The following NBAS variants were observed in gnomAD, a reference collection of about 807,000 sequenced individuals.
NBAS encodes NAG/BC035112 fusion.
In NBAS, 219 loss-of-function variants were observed where a neutral mutation model predicts 302.5. The ratio of observed to expected loss-of-function variants is 0.72; its 90% confidence interval spans 0.65 to 0.81. NBAS has a LOEUF of 0.81. Among genes scored for constraint, NBAS ranks in the 30% least tolerant of loss-of-function variants. The pLI, the probability that NBAS is intolerant of heterozygous loss-of-function variation, is 0.00. For missense variants in NBAS, 2,932 were observed against 2,841.6 expected, an observed-to-expected ratio of 1.03 and a Z score of -0.72; for synonymous variants, 1,118 against 1,021.6, an observed-to-expected ratio of 1.09 and a Z score of -1.80.
chr2:15,224,535 C>T (rs923279318), intron 47 of NBAS, among the ~76,000 whole-genome samples: 3 of 152,168 alleles, frequency 2.0e-5, no homozygotes, highest in Non-Finnish European at 4.4e-5. Flanking sequence ...GGCTGGCTTG[C>T]ATAGTAGATG....
chr2:15,466,777 A>G (rs1679741167), intron 19 of NBAS, among the ~76,000 whole-genome samples: 1 of 152,134 alleles, frequency 6.6e-6, no homozygotes, highest in African/African-American at 2.4e-5. Context: ...GTCTCTAAAA[A>G]AATGCAAAAA....
chr2:15,251,976 A>T (rs1199562832), intron 44 of NBAS, among the ~76,000 whole-genome samples: 2 of 152,204 alleles, frequency 1.3e-5, no homozygotes, highest in Non-Finnish European at 2.9e-5. Flanking sequence ...AATGAGGAAG[A>T]ATGAAGCAGA....
intron 38 of NBAS, among the ~76,000 whole-genome samples, chr2:15,320,693 G>C (rs963500753): frequency 6.6e-6 from 1 of 152,102 alleles, no homozygotes; most frequent in Non-Finnish European, 1.5e-5. Context: ...ATTTACAAGG[G>C]ATGTGAAGGG....
chr2:15,511,485 A>C, intron 9 of NBAS, 135 bp from the exon 10 acceptor site: 1 of 779,982 alleles, frequency 1.3e-6, no homozygotes, highest in Non-Finnish European at 2.1e-6. Flanking sequence ...TAGAAGGTAA[A>C]TATTTCAGAG....
chr2:15,351,834 A>G (rs1673370370), intron 35 of NBAS, among the ~76,000 whole-genome samples, 158 bp downstream of exon 35: 1 of 151,654 alleles, frequency 6.6e-6, no homozygotes. Context: ...TATTTCACAC[A>G]CACACACAAA....
At chr2:14,794,100 T>G in the NBAS span, among the ~76,000 whole-genome samples, 2 of 152,122 alleles carry the variant, frequency 1.3e-5, no homozygotes, top group African/African-American at 2.4e-5. Flanking sequence ...AGAACCTTAG[T>G]ATATCAGGAA....
chr2:15,500,106 G>A (rs946587879), intron 11 of NBAS, among the ~76,000 whole-genome samples: 1 of 152,144 alleles, frequency 6.6e-6, no homozygotes, highest in Non-Finnish European at 1.5e-5. Flanking sequence ...CCAAGACAGG[G>A]TTTTTAAGAA....
the NBAS span, among the ~76,000 whole-genome samples, chr2:14,893,389 C>T: frequency 5.6e-3 from 858 of 151,878 alleles, 15 homozygotes; most frequent in African/African-American, 0.02. Flanking sequence ...TTTCTTCTTC[C>T]TAGTTTTTGT....
At chr2:14,953,624 C>G in the NBAS span, among the ~76,000 whole-genome samples, 1 of 152,136 alleles carries the variant, frequency 6.6e-6, no homozygotes. Flanking sequence ...CACATAGAAC[C>G]AGTAAGAGCT....
chr2:15,059,967 AAAAAAAAAC>A, the NBAS span, among the ~76,000 whole-genome samples: 80 of 44,014 alleles, frequency 1.8e-3, 1 homozygote, highest in African/African-American at 0.024. Flanking sequence ...AAAAAAACAA[AAAAAAAAAC>A]AAAAAAAAAA....
intron 10 of NBAS, 116 bp downstream of exon 10, chr2:15,511,096 C>G: frequency 1.6e-6 from 2 of 1,267,382 alleles, no homozygotes; most frequent in Non-Finnish European, 2.3e-6. Flanking sequence ...ATTCACTGTC[C>G]TCATTCAAGA....
intron 42 of NBAS, among the ~76,000 whole-genome samples, chr2:15,278,500 T>C (rs537102657): frequency 6.6e-6 from 1 of 152,242 alleles, no homozygotes; most frequent in African/African-American, 2.4e-5. Flanking sequence ...TATTACATCA[T>C]CTTAATCTCT....
At chr2:15,128,515 G>A in the NBAS span, among the ~76,000 whole-genome samples, 2 of 152,188 alleles carry the variant, frequency 1.3e-5, 1 homozygote, top group South Asian at 4.1e-4. Flanking sequence ...GGAAATCTGA[G>A]AAGAGATGAG....
chr2:15,541,775 C>T (rs1263434508), intron 6 of NBAS, among the ~76,000 whole-genome samples: 6 of 142,384 alleles, frequency 4.2e-5, no homozygotes, highest in Non-Finnish European at 6.2e-5. Flanking sequence ...GCCCCCCGCC[C>T]AGCCAGTCGC....
intron 1 of NBAS, 67 bp from the exon 2 acceptor site, chr2:15,558,701 A>G (rs1664765154): frequency 1.7e-6 from 2 of 1,181,064 alleles, no homozygotes; most frequent in South Asian, 1.3e-5. Context: ...TATTACTTAT[A>G]CAATATGTAA....
the NBAS span, among the ~76,000 whole-genome samples, chr2:15,046,321 T>C: frequency 3.3e-5 from 5 of 152,360 alleles, no homozygotes; most frequent in East Asian, 9.6e-4. Flanking sequence ...CTAACTGGAA[T>C]GTCATATTCC....
chr2:15,211,791 C>T (rs1666423756), intron 48 of NBAS, among the ~76,000 whole-genome samples: 1 of 152,132 alleles, frequency 6.6e-6, no homozygotes, highest in Non-Finnish European at 1.5e-5. Context: ...CATCCAGTGA[C>T]ATCTGCTAAA....
chr2:15,088,864 A>T, the NBAS span, among the ~76,000 whole-genome samples: 1 of 152,198 alleles, frequency 6.6e-6, no homozygotes, highest in Non-Finnish European at 1.5e-5. Context: ...ACCGATTTGG[A>T]TGGGAGAGAA....
intron 42 of NBAS, among the ~76,000 whole-genome samples, chr2:15,279,081 A>C (rs755030068): frequency 3.9e-5 from 6 of 152,190 alleles, no homozygotes; most frequent in Non-Finnish European, 8.8e-5. Flanking sequence ...TAATTTGCAA[A>C]ATGAAGTCTA....
Sources: allele counts gnomAD v4.1 joint callset (sites outside exome capture counted in the v4.1 genomes callset), GRCh38; gene constraint gnomAD v4.1.1; transcripts MANE v1.5; gene names NCBI Gene and HGNC (gene_info 2026-07-23, HGNC 2026-07-21).